Variants in CMSS1 observed in about 807,000 individuals in gnomAD.
CMSS1 encodes protein CMSS1.
Under a neutral mutation model 43.5 loss-of-function variants are expected in CMSS1, and 33 were observed. That is an observed-to-expected ratio of 0.76 (90% confidence interval 0.57 to 1.01). The LOEUF is 1.01. Ranked by LOEUF, CMSS1 falls within the 50% of genes least tolerant of loss-of-function variation. The pLI is 0.00. For synonymous variants in CMSS1, 115 were observed against 117.2 expected (o/e 0.98, Z 0.12); for missense variants, 313 against 326.4 (o/e 0.96, Z 0.32).
chr3:100,087,683 T>G (rs2107422497), intron 1 of CMSS1, among the ~76,000 whole-genome samples: 1 of 152,274 alleles, frequency 6.6e-6, no homozygotes, highest in East Asian at 1.9e-4. Flanking sequence ...GGTTTGCCAT[T>G]TCATTATATT....
chr3:100,062,093 CTTTTTTTTTTTTTTTTTTTTTT>C (rs71907944), intron 1 of CMSS1, among the ~76,000 whole-genome samples: 4 of 53,154 alleles, frequency 7.5e-5, no homozygotes, highest in Non-Finnish European at 1.4e-4. Flanking sequence ...CTGTCTTCTT[CTTTTTTTTTTTTTTTTTTTTTT>C]TTTTTTTTTT....
intron 1 of CMSS1, among the ~76,000 whole-genome samples, chr3:99,917,135 A>T (rs937814654): frequency 7.2e-5 from 11 of 152,286 alleles, no homozygotes; most frequent in Admixed American, 4.6e-4. Context: ...CCAGCTAGTT[A>T]GTAGATGTAT....
chr3:99,929,329 AG>A (rs1367422020), intron 1 of CMSS1, among the ~76,000 whole-genome samples: 5 of 152,216 alleles, frequency 3.3e-5, no homozygotes, highest in African/African-American at 1.2e-4. Flanking sequence ...TGAAGGAAAA[AG>A]AAGGTATGCA....
chr3:99,952,643 G>A (rs1381454634), intron 1 of CMSS1, among the ~76,000 whole-genome samples: 1 of 152,128 alleles, frequency 6.6e-6, no homozygotes, highest in Non-Finnish European at 1.5e-5. Context: ...TACACACAGA[G>A]AGAAAGAGAG....
chr3:100,145,373 G>A (rs1489675084), intron 1 of CMSS1, among the ~76,000 whole-genome samples: 8 of 152,018 alleles, frequency 5.3e-5, no homozygotes, highest in East Asian at 1.9e-4. Flanking sequence ...GCTTGAATCC[G>A]GGAGGCGGAG....
chr3:100,049,350 C>T (rs1385827215), intron 1 of CMSS1, among the ~76,000 whole-genome samples: 2 of 152,074 alleles, frequency 1.3e-5, no homozygotes, highest in Non-Finnish European at 2.9e-5. Context: ...AGGGTCTTAC[C>T]GAACTTACCA....
chr3:99,881,425 C>T (rs1400195458), intron 1 of CMSS1, among the ~76,000 whole-genome samples: 1 of 152,100 alleles, frequency 6.6e-6, no homozygotes, highest in East Asian at 1.9e-4. Flanking sequence ...ACGGAAAAGA[C>T]CTATTAGGTC....
intron 1 of CMSS1, among the ~76,000 whole-genome samples, chr3:99,999,038 C>T (rs763480966): frequency 3.3e-5 from 5 of 152,302 alleles, no homozygotes; most frequent in Non-Finnish European, 5.9e-5. Context: ...TGAAGCCTTC[C>T]GTGCCTCCCA....
intron 1 of CMSS1, among the ~76,000 whole-genome samples, chr3:99,826,518 A>G (rs774517947): frequency 5.3e-5 from 8 of 152,340 alleles, no homozygotes; most frequent in Non-Finnish European, 8.8e-5. Flanking sequence ...TTCACGTCAC[A>G]AAATAGTCTT....
chr3:99,895,319 T>G (rs1706213163), intron 1 of CMSS1, among the ~76,000 whole-genome samples: 1 of 151,886 alleles, frequency 6.6e-6, no homozygotes, highest in African/African-American at 2.4e-5. Flanking sequence ...GAATGAATCA[T>G]AATCCAACTA....
At chr3:99,840,476 C>A (rs1943086665) in intron 1 of CMSS1, among the ~76,000 whole-genome samples, 1 of 152,022 alleles carries the variant, frequency 6.6e-6, no homozygotes, top group Non-Finnish European at 1.5e-5. Context: ...CCCGCTTTGG[C>A]CTCCCAAAGT....
At chr3:100,093,411 A>G (rs961441696) in intron 1 of CMSS1, among the ~76,000 whole-genome samples, 33 of 152,184 alleles carry the variant, frequency 2.2e-4, no homozygotes, top group African/African-American at 7.7e-4. Flanking sequence ...CAAAAAATAT[A>G]TACTTACATT....
At chr3:100,071,173 A>G (rs1365514051) in intron 1 of CMSS1, among the ~76,000 whole-genome samples, 1 of 146,828 alleles carries the variant, frequency 6.8e-6, no homozygotes, top group African/African-American at 2.5e-5. Flanking sequence ...TATTTCAGAC[A>G]TATCACTGTC....
chr3:99,969,175 A>T (rs1704972330), intron 1 of CMSS1, among the ~76,000 whole-genome samples: 1 of 152,180 alleles, frequency 6.6e-6, no homozygotes, highest in Admixed American at 6.5e-5. Flanking sequence ...TCATTGAAAG[A>T]AAGTGCACAA....
intron 1 of CMSS1, among the ~76,000 whole-genome samples, chr3:100,073,015 T>C (rs985876502): frequency 2.0e-5 from 3 of 152,188 alleles, no homozygotes; most frequent in Non-Finnish European, 4.4e-5. Context: ...TTCCTTAATA[T>C]ATATCTTGAT....
intron 1 of CMSS1, among the ~76,000 whole-genome samples, chr3:99,933,391 G>A (rs984763758): frequency 6.6e-6 from 1 of 152,194 alleles, no homozygotes; most frequent in African/African-American, 2.4e-5. Flanking sequence ...GGATATTTTT[G>A]TGTAGGAATG....
At chr3:99,941,547 A>G (rs1050740563) in intron 1 of CMSS1, among the ~76,000 whole-genome samples, 11 of 152,204 alleles carry the variant, frequency 7.2e-5, no homozygotes, top group East Asian at 1.9e-4. Flanking sequence ...GAGGTGTTCA[A>G]TGGTGAAAAG....
chr3:100,074,147 T>TA (rs2065808475), intron 1 of CMSS1, among the ~76,000 whole-genome samples: 2 of 152,216 alleles, frequency 1.3e-5, no homozygotes, highest in South Asian at 2.1e-4. Flanking sequence ...AAAGAGCTGA[T>TA]ACGCTGTTGT....
chr3:99,920,067 T>C (rs1707076864), intron 1 of CMSS1, among the ~76,000 whole-genome samples: 1 of 152,230 alleles, frequency 6.6e-6, no homozygotes, highest in South Asian at 2.1e-4. Flanking sequence ...GCCAAGATTT[T>C]ATGAAAAGTA....
Sources: gnomAD v4.1 joint callset for allele counts (sites outside exome capture counted in the v4.1 genomes callset) on GRCh38, gnomAD v4.1.1 for gene constraint, MANE v1.5 for transcripts, NCBI Gene and HGNC (gene_info 2026-07-23, HGNC 2026-07-21) for gene names.